The following TP53BP1 variants were observed in gnomAD, a reference collection of about 807,000 sequenced individuals.
The protein encoded by TP53BP1 is tumor protein p53 binding protein 1.
TP53BP1 carries 61 observed loss-of-function variants against 200.8 expected under a neutral mutation model. The ratio of observed to expected loss-of-function variants is 0.30; its 90% CI spans 0.25 to 0.38. The LOEUF (loss-of-function observed/expected upper bound fraction) is 0.38. Among genes scored for constraint, TP53BP1 ranks in the 10% least tolerant of loss-of-function variants. TP53BP1 has a pLI of 1.00. For synonymous variants in TP53BP1, 822 were observed against 844.3 expected, an observed-to-expected ratio of 0.97 and a Z score of 0.46; for missense variants, 2,144 against 2,371.9, an observed-to-expected ratio of 0.90 and a Z score of 2.00.
chr15:43,445,904 G>A (rs139467131), intron 14 of TP53BP1, among the ~76,000 whole-genome samples: 4 of 152,262 alleles, frequency 2.6e-5, no homozygotes, highest in Non-Finnish European at 4.4e-5. Flanking sequence ...AGACTCAGCT[G>A]ATGCTTTTTT....
chr15:43,465,253 G>C (rs2046545815), intron 11 of TP53BP1, among the ~76,000 whole-genome samples: 1 of 152,124 alleles, frequency 6.6e-6, no homozygotes, highest in Admixed American at 6.6e-5. Flanking sequence ...TGTTGAGTGA[G>C]TGCTAAAGGG....
rs1329600565 is a variant in TP53BP1 at position 43,406,629 on chromosome 15, A to C, written c.*754T>G. On this transcript the variant is annotated 3_prime_UTR_variant, in exon 28 of 28. Transcript: ENST00000382044. ...AAAACCTTGTTGACCCCTGCTTTAG[A>C]GAATGAGAAGCCATGCAGGGATCAG... The C allele has an allele frequency of 2.0e-5, 9 of 455,918 alleles. No individual in the cohort carries two copies. The highest frequency in any genetic ancestry group is 1.8e-4 in the African/African-American group (9 of 50,060). The allele number at this position is 455,918 out of a possible 1,614,324, so 28.2% of individuals were successfully genotyped here. A position where few individuals can be genotyped will look rare whatever the true frequency, so the allele number is the denominator to read the frequency against.
At position 43,406,160 on chromosome 15, in the gene TP53BP1, T is replaced by TACACAAACCATAGGG. The variant is rs1270073066; in HGVS notation, c.*1208_*1222dup. The TACACAAACCATAGGG allele has an allele frequency of 1.3e-5, 2 of 152,616 alleles. No individual in the cohort carries two copies. Among genetic ancestry groups the TACACAAACCATAGGG allele is most frequent in the Non-Finnish European group, 2.9e-5 (2 of 68,394 alleles). 9.5% of individuals were successfully genotyped at this position (152,616 alleles called of 1,614,324 possible). ...AGATTGCAGGCCCAATTACCCATCT[T>TACACAAACCATAGGG]ACACAAACCATAGGGGTTGAAGTTA... On this transcript the variant is annotated 3_prime_UTR_variant, in exon 28 of 28. Coordinates refer to ENST00000382044, the MANE Select transcript of TP53BP1 (RefSeq NM_001141980.3).
rs186678492 is a variant in TP53BP1, at chr15:43,420,598, C to T, written c.4388G>A (p.Arg1463His). ...RRTDVGAGAL[R>H]RSDSPEIPFQ... ...AGGAATTTCTGGAGAGTCACTACGA[C>T]GCAAAGCACCAGCACCCACATCTGT... Residue 1463 changes from arginine (R) to histidine (H), a missense_variant, in exon 21 of 28, where the codon CGT becomes CAT. Arg to His is a conservative substitution (Grantham distance 29, BLOSUM62 0). Around this residue, in one of 4 missense-constraint regions of TP53BP1, gnomAD observed 49 missense variants for 60.7 expected, o/e 0.81. Transcript: ENST00000382044. 18 of 1,614,134 alleles carry T rather than the reference C, an allele frequency of 1.1e-5. No homozygotes were observed. Among genetic ancestry groups the T allele is most frequent in the African/African-American group, 2.7e-5 (2 of 75,024 alleles).
rs895122743 is a variant in TP53BP1 at position 43,442,781 on chromosome 15, C to T, written c.3041-1198G>A. On this transcript the variant is annotated intron_variant, in intron 14 of 27. Transcript: ENST00000382044. ...CCAAAGTGTGCTGGGATTACACATA[C>T]GAGCTACGACACCTAGCCCTTAGCA... Among the ~76,000 whole-genome samples the T allele has an allele frequency of 7.1e-4, 104 of 147,126 alleles. 5 individuals are homozygous for T. The highest frequency in any genetic ancestry group is 7.4e-5 in the Non-Finnish European group (5 of 67,208).
chr15:43,411,735 A>G (rs2045122350), intron 24 of TP53BP1, among the ~76,000 whole-genome samples: 1 of 152,200 alleles, frequency 6.6e-6, no homozygotes, highest in Admixed American at 6.5e-5. Context: ...CACTGTCCAA[A>G]TGCCTCATTT....
chr15:43,443,712 AAAGAAACAAAAAGGACATTTT>A (rs2045980801), intron 14 of TP53BP1, among the ~76,000 whole-genome samples: 1 of 152,124 alleles, frequency 6.6e-6, no homozygotes, highest in South Asian at 2.1e-4. Context: ...ATAACAACAA[AAAGAAACAAAAAGGACATTTT>A]CAAGAACATG....
In TP53BP1 at chr15:43,405,344, T is replaced by C; in HGVS notation, c.*2039A>G. On this transcript the variant is annotated 3_prime_UTR_variant, in exon 28 of 28. Transcript: ENST00000382044. ...AGTGATAGGACTCTACCTTTTCTCC[T>C]AGAAGCAGTTACTGAACATCCAGGA... is the stretch of plus-strand genomic sequence containing the variant. 2 of 1,027,746 alleles carry C rather than the reference T, an allele frequency of 1.9e-6. No individual in the cohort carries two copies. The highest frequency in any genetic ancestry group is 2.9e-6 in the Non-Finnish European group (2 of 678,854). 63.7% of individuals were successfully genotyped at this position (1,027,746 alleles called of 1,614,324 possible).
At position 43,469,891 on chromosome 15, in the gene TP53BP1, T is replaced by C; in HGVS notation, c.1356A>G (p.Ser452=). The change falls in exon 11 of 28, where the codon TCA becomes TCG. Residue 452 remains serine (S), a synonymous_variant. Transcript: ENST00000382044. Reference sequence around the variant, plus strand: ...ACTGAGGCTGGGATGGGATAGGAAGTGACCCAGGAGGGAAGACTGGTGTGC... The same window carrying C: ...ACTGAGGCTGGGATGGGATAGGAAGCGACCCAGGAGGGAAGACTGGTGTGC... ...SQSTPVFPPG[S]LPIPSQPQFS... 2 of 1,613,946 alleles carry C rather than the reference T, an allele frequency of 1.2e-6. No individual in the cohort carries two copies. Among genetic ancestry groups the C allele is most frequent in the South Asian group, 2.2e-5 (2 of 91,086 alleles).
chr15:43,494,399 G>C (rs566935667), upstream of TP53BP1, among the ~76,000 whole-genome samples: 107 of 152,250 alleles, frequency 7.0e-4, no homozygotes, highest in African/African-American at 2.5e-3. Context: ...CAAATTCAAA[G>C]CATGTTGTCT....
intron 4 of TP53BP1, among the ~76,000 whole-genome samples, chr15:43,491,191 CT>C (rs781462906): frequency 1.3e-5 from 2 of 152,032 alleles, no homozygotes; most frequent in Non-Finnish European, 2.9e-5. Flanking sequence ...AGCAACTCTC[CT>C]GCCTCAGCCT....
At chr15:43,408,133 C>G in intron 26 of TP53BP1, 45 bp from the exon 27 acceptor site, 1 of 1,586,510 alleles carries the variant, frequency 6.3e-7, no homozygotes, top group South Asian at 1.1e-5. Context: ...AAGTAATATC[C>G]AACAAACTGC....
chr15:43,491,281 A>C (rs892548369), intron 4 of TP53BP1, among the ~76,000 whole-genome samples: 2 of 151,984 alleles, frequency 1.3e-5, no homozygotes, highest in African/African-American at 4.8e-5. Context: ...GGGTTTCACC[A>C]TGTTGGCCAG....
intron 10 of TP53BP1, among the ~76,000 whole-genome samples, chr15:43,473,241 T>C (rs1252381148): frequency 6.6e-6 from 1 of 152,082 alleles, no homozygotes; most frequent in Non-Finnish European, 1.5e-5. Flanking sequence ...TTCCACACTG[T>C]GGAAGGGGAC....
chr15:43,421,219 T>A (rs562625120), intron 19 of TP53BP1, 45 bp from the exon 20 acceptor site: 1 of 1,601,560 alleles, frequency 6.2e-7, no homozygotes, highest in Non-Finnish European at 8.5e-7. Context: ...TGCTACTGAA[T>A]CTTTTCTTCA....
chr15:43,404,494 C>A lies in TP53BP1; in HGVS notation c.*2889G>T. On this transcript the variant is annotated 3_prime_UTR_variant, in exon 28 of 28. Coordinates refer to ENST00000382044, the MANE Select transcript of TP53BP1 (RefSeq NM_001141980.3). The stretch of plus-strand genomic sequence containing the variant: ...TCAGATCAACTCAGATTTGGCTCAA[C>A]TACTGTTACGACTAGATTATAACAA... 1 of 1,614,172 alleles carries A rather than the reference C, an allele frequency of 6.2e-7. No individual in the cohort carries two copies. Among genetic ancestry groups the A allele is most frequent in the Non-Finnish European group, 8.5e-7 (1 of 1,180,020 alleles).
At chr15:43,424,973 GGAGTGGGTTAGTTATCACCA>G (rs2142993919) in intron 18 of TP53BP1, among the ~76,000 whole-genome samples, 1 of 152,284 alleles carries the variant, frequency 6.6e-6, no homozygotes, top group Admixed American at 6.5e-5. Flanking sequence ...AGTTATCACA[GGAGTGGGTTAGTTATCACCA>G]GAGTGGGTCT....
At chr15:43,438,207 G>A (rs1192561195) in intron 16 of TP53BP1, 117 bp downstream of exon 16, 1 of 785,108 alleles carries the variant, frequency 1.3e-6, no homozygotes, top group Admixed American at 2.7e-5. Flanking sequence ...TTGCACTGGG[G>A]GTTAAGTTTC....
At chr15:43,459,112 C>A (rs577950002) in intron 11 of TP53BP1, among the ~76,000 whole-genome samples, 91 of 152,070 alleles carry the variant, frequency 6.0e-4, no homozygotes, top group Non-Finnish European at 1.1e-3. Flanking sequence ...CCAAGACAGG[C>A]AGATCTCTTG....
Sources: allele counts gnomAD v4.1 joint callset (sites outside exome capture counted in the v4.1 genomes callset), GRCh38; gene constraint gnomAD v4.1.1; regional missense constraint gnomAD v4.1.1; transcripts MANE v1.5; gene names NCBI Gene and HGNC (gene_info 2026-07-23, HGNC 2026-07-21).